Variants in VAV3 observed in about 807,000 individuals in gnomAD.
The protein encoded by VAV3 is guanine nucleotide exchange factor VAV3.
A neutral mutation model predicts 131.2 loss-of-function variants in VAV3; 94 were observed. The observed-to-expected ratio is 0.72, with a 90% CI of 0.61 to 0.85. VAV3 has a LOEUF of 0.85. Ranked by LOEUF, VAV3 falls within the 40% of genes least tolerant of loss-of-function variation. The pLI is 0.00. For missense variants in VAV3, 939 were observed against 1,002.7 expected, an observed-to-expected ratio of 0.94 and a Z score of 0.86; for synonymous variants, 349 against 342.0, an observed-to-expected ratio of 1.02 and a Z score of -0.22.
intron 2 of VAV3, among the ~76,000 whole-genome samples, chr1:107,847,352 G>A (rs180728886): frequency 3.9e-5 from 6 of 152,072 alleles, no homozygotes; most frequent in Admixed American, 2.6e-4. Context: ...CTAATATCAC[G>A]GTTAAAAGAA....
chr1:107,819,759 T>C (rs78822950), intron 2 of VAV3, among the ~76,000 whole-genome samples: 534 of 152,256 alleles, frequency 3.5e-3, no homozygotes, highest in African/African-American at 0.012. Flanking sequence ...GGAAGTATGA[T>C]GATTGTGGGA....
intron 18 of VAV3, chr1:107,686,026 TGGGGGGGTG>T (rs1658992099): frequency 2.4e-4 from 1 of 4,214 alleles, no homozygotes; most frequent in African/African-American, 7.7e-4. Flanking sequence ...GTGGGCTGGT[TGGGGGGGTG>T]GGGGGGGAGG....
intron 21 of VAV3, among the ~76,000 whole-genome samples, chr1:107,611,899 C>T (rs1652764163): frequency 6.6e-6 from 1 of 151,992 alleles, no homozygotes; most frequent in African/African-American, 2.4e-5. Flanking sequence ...AGTCATAGGC[C>T]CTCTGCACTT....
chr1:107,620,935 G>A (rs57373404), intron 20 of VAV3, among the ~76,000 whole-genome samples: 2 of 152,094 alleles, frequency 1.3e-5, no homozygotes, highest in Non-Finnish European at 2.9e-5. Flanking sequence ...GGTTGTATAA[G>A]AAATGCTCTA....
At chr1:107,831,242 T>C (rs1326101860) in intron 2 of VAV3, among the ~76,000 whole-genome samples, 1 of 152,162 alleles carries the variant, frequency 6.6e-6, no homozygotes, top group Non-Finnish European at 1.5e-5. Context: ...TGAAAAAATA[T>C]GTGGAAAATA....
At chr1:107,586,112 G>A (rs184070274) in intron 25 of VAV3, among the ~76,000 whole-genome samples, 17 of 149,374 alleles carry the variant, frequency 1.1e-4, no homozygotes, top group Admixed American at 8.8e-4. Flanking sequence ...ATCCCTCAGC[G>A]CTCATGAGTA....
intron 8 of VAV3, 64 bp from the exon 9 acceptor site, chr1:107,765,239 C>T: frequency 8.0e-7 from 1 of 1,244,800 alleles, no homozygotes; most frequent in South Asian, 1.2e-5. Context: ...GAGGGGGAAA[C>T]AAGCAGAATC....
chr1:107,629,555 T>C (rs997006635), intron 20 of VAV3, among the ~76,000 whole-genome samples: 2 of 152,174 alleles, frequency 1.3e-5, no homozygotes. Flanking sequence ...AAATGGCCAA[T>C]TTCCTATTTT....
intron 1 of VAV3, among the ~76,000 whole-genome samples, chr1:107,893,839 A>G (rs1443932801): frequency 2.0e-5 from 3 of 152,200 alleles, no homozygotes; most frequent in Non-Finnish European, 4.4e-5. Context: ...CTTCTTCACC[A>G]TATCTAACTT....
At chr1:107,854,484 T>A (rs17020184) in intron 2 of VAV3, among the ~76,000 whole-genome samples, 12,681 of 152,200 alleles carry the variant, frequency 0.083, 786 homozygotes, top group East Asian at 0.23. Flanking sequence ...AATTTTGCAA[T>A]CTTATGATTA....
intron 25 of VAV3, among the ~76,000 whole-genome samples, chr1:107,586,849 T>G (rs573283046): frequency 1.3e-5 from 2 of 152,268 alleles, no homozygotes. Context: ...TATATTTATT[T>G]TGAACTAATC....
intron 2 of VAV3, among the ~76,000 whole-genome samples, chr1:107,805,308 G>A (rs926717158): frequency 6.6e-6 from 1 of 151,940 alleles, no homozygotes; most frequent in Admixed American, 6.6e-5. Context: ...TTCATCTTCT[G>A]AGCTAATATT....
intron 19 of VAV3, among the ~76,000 whole-genome samples, chr1:107,664,156 G>C (rs944007078): frequency 6.6e-6 from 1 of 151,626 alleles, no homozygotes; most frequent in Non-Finnish European, 1.5e-5. Context: ...ACCTTGTTTT[G>C]TACAATCACT....
intron 20 of VAV3, among the ~76,000 whole-genome samples, chr1:107,625,754 C>T (rs1653969934): frequency 6.6e-6 from 1 of 152,128 alleles, no homozygotes; most frequent in South Asian, 2.1e-4. Flanking sequence ...TCAATATATG[C>T]TATAATTTGA....
intron 2 of VAV3, among the ~76,000 whole-genome samples, chr1:107,797,320 C>T (rs1032649599): frequency 6.6e-6 from 1 of 152,154 alleles, no homozygotes; most frequent in Non-Finnish European, 1.5e-5. Flanking sequence ...ATTTTATTTT[C>T]ATTTCATCCT....
At position 107,759,976 on chromosome 1, in the gene VAV3, AT is replaced by A. The variant is rs538881214; in HGVS notation, c.1017+807del. Reference sequence around the variant, plus strand: ...TTAGGTCTCATAAATGTTTTAATGCATTTTTAAGGAATAATCAGGGTTTGAA... The same window carrying A: ...TTAGGTCTCATAAATGTTTTAATGCATTTTAAGGAATAATCAGGGTTTGAA... On this transcript the variant is annotated intron_variant, in intron 10 of 26. Transcript: ENST00000370056. Among the ~76,000 whole-genome samples, 51 of 152,300 alleles carry A rather than the reference AT, an allele frequency of 3.3e-4. No homozygotes were observed. In the East Asian group the frequency reaches 9.6e-3, roughly 29 times the overall value.
At chr1:107,782,171 C>T (rs983616815) in intron 2 of VAV3, among the ~76,000 whole-genome samples, 3 of 152,086 alleles carry the variant, frequency 2.0e-5, no homozygotes, top group Non-Finnish European at 4.4e-5. Flanking sequence ...AATAGCAGTA[C>T]TACGGTTATG....
In VAV3 at chr1:107,800,615, A is replaced by G. The variant is rs187394096; in HGVS notation, c.322-21123T>C. 1.5e-4 allele frequency among the ~76,000 whole-genome samples: 23 copies of G among 152,330 alleles called. No homozygotes were observed. In the East Asian group the frequency reaches 2.9e-3, roughly 19 times the overall value. ...ATTGCATGATGCTGAGGTTTGGGGA[A>G]CAAATGATCCCACCACCCAGGTAGT... On this transcript the variant is annotated intron_variant, in intron 2 of 26. Coordinates refer to ENST00000370056, the MANE Select transcript of VAV3 (RefSeq NM_006113.5).
chr1:107,730,842 C>A (rs1215480819), intron 15 of VAV3, among the ~76,000 whole-genome samples: 1 of 152,140 alleles, frequency 6.6e-6, no homozygotes, highest in Non-Finnish European at 1.5e-5. Context: ...TAGAAAACAA[C>A]AGTAGGTGTT....
Sources: allele counts gnomAD v4.1 joint callset (sites outside exome capture counted in the v4.1 genomes callset), GRCh38; gene constraint gnomAD v4.1.1; transcripts MANE v1.5; gene names NCBI Gene and HGNC (gene_info 2026-07-23, HGNC 2026-07-21).